Variants in YIF1B observed in about 807,000 individuals in gnomAD.
YIF1B encodes the protein protein YIF1B.
A neutral mutation model predicts 34.6 loss-of-function variants in YIF1B; 24 were observed. The observed-to-expected ratio is 0.69, with a 90% CI of 0.50 to 0.98. The LOEUF (loss-of-function observed/expected upper bound fraction) is 0.98. Among genes scored for constraint, YIF1B ranks in the 50% least tolerant of loss-of-function variants. YIF1B has a pLI of 0.00. For synonymous variants in YIF1B, 186 were observed against 184.8 expected, an observed-to-expected ratio of 1.01 and a Z score of -0.05; for missense variants, 368 against 429.4, an observed-to-expected ratio of 0.86 and a Z score of 1.26.
chr19:38,321,229 C>G (rs925878079), upstream of YIF1B, among the ~76,000 whole-genome samples: 1 of 152,212 alleles, frequency 6.6e-6, no homozygotes, highest in Non-Finnish European at 1.5e-5. Context: ...GACCTGGCAC[C>G]GCCATCTGGG....
At chr19:38,308,205 C>T (rs556496144) in intron 5 of YIF1B, among the ~76,000 whole-genome samples, 24 of 152,220 alleles carry the variant, frequency 1.6e-4, no homozygotes, top group African/African-American at 4.3e-4. Context: ...GAAGGCTTCC[C>T]GGAGGAGGTG....
In YIF1B at chr19:38,305,524, G is replaced by A. The variant is rs7251914; in HGVS notation, c.790-17C>T. 1.6e-5 allele frequency: 25 copies of A among 1,591,694 alleles called. No individual in the cohort carries two copies. The highest frequency in any genetic ancestry group is 2.0e-5 in the Non-Finnish European group (23 of 1,163,614). ...CGTCCGGATCTGGGTGGGAAAGAGA[G>A]AGAGGAACCAAGGGATTTACCCTTG... On this transcript the variant is annotated splice_polypyrimidine_tract_variant and intron_variant, in intron 7 of 7. Transcript: ENST00000339413.
chr19:38,308,799 G>T lies in YIF1B; in HGVS notation c.532C>A (p.Gln178Lys). The T allele has an allele frequency of 6.2e-7, 1 of 1,613,846 alleles. No homozygotes were observed. Among genetic ancestry groups the T allele is most frequent in the South Asian group, 1.1e-5 (1 of 91,086 alleles). ...VLVAGLALGT[Q>K]DRFSPDLLGL... The stretch of plus-strand genomic sequence containing the variant: ...GCCCCAGGCCTCCCTTACCTATCCT[G>T]GGTCCCCAGCGCAAGACCAGCCACC... Residue 178 changes from glutamine (Q) to lysine (K), a missense_variant, in exon 5 of 8, where the codon CAG (glutamine) becomes AAG (lysine). Coordinates refer to ENST00000339413, the MANE Select transcript of YIF1B (RefSeq NM_001039672.3).
At chr19:38,313,189 T>C (rs1451405729) in intron 1 of YIF1B, among the ~76,000 whole-genome samples, 1 of 151,668 alleles carries the variant, frequency 6.6e-6, no homozygotes, top group African/African-American at 2.4e-5. Flanking sequence ...TGAGCTCAAG[T>C]GATCTGCCTG....
At chr19:38,307,258 C>T (rs1254414026) in intron 7 of YIF1B, 170 bp downstream of exon 7, 2 of 670,286 alleles carry the variant, frequency 3.0e-6, no homozygotes, top group Non-Finnish European at 5.2e-6. Context: ...CAGGATACCC[C>T]CTCTTCCAGG....
At chr19:38,312,029 G>A (rs185962493) in intron 1 of YIF1B, among the ~76,000 whole-genome samples, 193 of 152,262 alleles carry the variant, frequency 1.3e-3, no homozygotes, top group African/African-American at 4.4e-3. Context: ...CCGGGACCGG[G>A]GAGGTGGAGG....
chr19:38,307,280 AC>A (rs1969093566), intron 7 of YIF1B, 147 bp downstream of exon 7: 4 of 804,932 alleles, frequency 5.0e-6, no homozygotes, highest in Non-Finnish European at 4.0e-6. Flanking sequence ...AGCCCTCCTG[AC>A]CCCCCAGGCC....
chr19:38,319,962 C>T, upstream of YIF1B: 2 of 1,453,946 alleles, frequency 1.4e-6, no homozygotes, highest in East Asian at 2.9e-5. Flanking sequence ...TGCGGAGGGG[C>T]GCGCTTCTGG....
At chr19:38,314,485 G>A (rs529084528) in intron 1 of YIF1B, among the ~76,000 whole-genome samples, 12 of 151,560 alleles carry the variant, frequency 7.9e-5, no homozygotes, top group African/African-American at 2.4e-4. Context: ...GAACCACTGC[G>A]CCCAACCTAA....
upstream of YIF1B, chr19:38,319,819 T>A (rs1969624458): frequency 1.5e-5 from 14 of 945,070 alleles, no homozygotes; most frequent in Admixed American, 1.7e-4. Flanking sequence ...CCTCCCCTTT[T>A]TCCTCTTCCT....
chr19:38,305,314 A>C lies in YIF1B; in HGVS notation c.*38T>G. On this transcript the variant is annotated 3_prime_UTR_variant, in exon 8 of 8. Transcript: ENST00000339413. ...GAGTTCGGCGGCCACAGTGGCCCCC[A>C]GCAGCAGCAGCAGCAGCGGGAGGTT... The C allele has an allele frequency of 1.4e-6, 2 of 1,429,248 alleles. No homozygotes were observed. The highest frequency in any genetic ancestry group is 1.9e-6 in the Non-Finnish European group (2 of 1,067,636). The allele number at this position is 1,429,248 out of a possible 1,614,324, so 88.5% of individuals were successfully genotyped here.
rs1218419961 is a variant in YIF1B at position 38,304,903 on chromosome 19, A to G, written c.*449T>C. ...ATCCCGGGCAAGGCCAAGAAGCCCA[A>G]AGTGAAGAAGAAGGAGAAGGGCAAG... On this transcript the variant is annotated 3_prime_UTR_variant, in exon 8 of 8. Coordinates refer to ENST00000339413, the MANE Select transcript of YIF1B (RefSeq NM_001039672.3). 1 of 1,608,602 alleles carries G rather than the reference A, an allele frequency of 6.2e-7. No individual in the cohort carries two copies. The highest frequency in any genetic ancestry group is 2.2e-5 in the East Asian group (1 of 44,700).
chr19:38,309,135 C>G, intron 3 of YIF1B, 78 bp from the exon 4 acceptor site: 1 of 1,568,136 alleles, frequency 6.4e-7, no homozygotes, highest in Non-Finnish European at 8.7e-7. Context: ...TCCCTCGAGG[C>G]GAATCTCCCG....
intron 1 of YIF1B, among the ~76,000 whole-genome samples, chr19:38,312,701 C>T (rs1482189356): frequency 1.3e-5 from 2 of 151,960 alleles, no homozygotes; most frequent in African/African-American, 4.8e-5. Flanking sequence ...ATGACTTTCT[C>T]TGCACCTGGA....
chr19:38,320,217 C>T (rs1245602373), upstream of YIF1B: 1 of 1,604,082 alleles, frequency 6.2e-7, no homozygotes, highest in Admixed American at 1.7e-5. Context: ...CCTCGGACCC[C>T]GCCTGGGACT....
intron 3 of YIF1B, 60 bp downstream of exon 3, chr19:38,309,164 C>T (rs1255398393): frequency 1.1e-5 from 18 of 1,596,030 alleles, no homozygotes; most frequent in Non-Finnish European, 1.5e-5. Context: ...ATGCACCTGC[C>T]CCCACCCCTG....
Position 38,307,689 on chromosome 19 carries a change from C to T in YIF1B, c.603G>A (p.Val201=), listed in dbSNP as rs767486424. The T allele has an allele frequency of 2.0e-5, 33 of 1,613,376 alleles. No individual in the cohort carries two copies. The highest frequency in any genetic ancestry group is 2.7e-5 in the African/African-American group (2 of 74,888). Reference sequence around the variant, plus strand: ...GATAGAGGCTGAGCAGGATGGCCAGCACCTCCAGGGTCAGCCAGGCCAGGG... The same window carrying T: ...GATAGAGGCTGAGCAGGATGGCCAGTACCTCCAGGGTCAGCCAGGCCAGGG... ...SSALAWLTLE[V]LAILLSLYLV... Residue 201 remains valine (V), a synonymous_variant, in exon 6 of 8, where the codon GTG becomes GTA. Transcript: ENST00000339413.
At position 38,309,379 on chromosome 19, in the gene YIF1B, C is replaced by A. The variant is rs45552232; in HGVS notation, c.297+26G>T. ...AGCCCTGTGGCCCCGTGCATCCCCC[C>A]ACTCCCACCAGCCCCGCCCACTCAC... is the stretch of plus-strand genomic sequence containing the variant. On this transcript the variant is annotated intron_variant, in intron 2 of 7. Coordinates refer to ENST00000339413, the MANE Select transcript of YIF1B (RefSeq NM_001039672.3). 867 of 1,612,808 alleles carry A rather than the reference C, an allele frequency of 5.4e-4. 4 individuals are homozygous for A. The East Asian group carries it at 9.1e-3, about 17-fold the overall frequency.
chr19:38,311,990 C>G (rs1056594500), intron 1 of YIF1B, among the ~76,000 whole-genome samples: 2 of 151,186 alleles, frequency 1.3e-5, no homozygotes, highest in Non-Finnish European at 2.9e-5. Flanking sequence ...CCAGCTACTC[C>G]GGAGGCTGAG....
Sources: gnomAD v4.1 joint callset for allele counts (sites outside exome capture counted in the v4.1 genomes callset) on GRCh38, gnomAD v4.1.1 for gene constraint, MANE v1.5 for transcripts, NCBI Gene and HGNC (gene_info 2026-07-23, HGNC 2026-07-21) for gene names.